PDE4D: variants seen among roughly 807,000 people sequenced by gnomAD.
The protein encoded by PDE4D is phosphodiesterase 4D.
PDE4D carries 24 observed loss-of-function variants against 87.4 expected under a neutral mutation model. The ratio of observed to expected loss-of-function variants is 0.27; its 90% CI spans 0.20 to 0.39. The LOEUF is 0.39. Ranked by LOEUF, PDE4D falls within the 10% of genes least tolerant of loss-of-function variation. PDE4D has a pLI of 1.00. For missense variants in PDE4D, 714 were observed against 1,041.0 expected, an observed-to-expected ratio of 0.69 and a Z score of 4.32; for synonymous variants, 384 against 383.2, an observed-to-expected ratio of 1.00 and a Z score of -0.02.
At chr5:59,632,860 G>A (rs1435945738) in intron 1 of PDE4D, among the ~76,000 whole-genome samples, 1 of 152,084 alleles carries the variant, frequency 6.6e-6, no homozygotes, top group Non-Finnish European at 1.5e-5. Flanking sequence ...CGCCAGCAAG[G>A]GAACAAAACT....
intron 1 of PDE4D, among the ~76,000 whole-genome samples, chr5:59,545,350 A>G (rs1320973379): frequency 7.2e-6 from 1 of 138,600 alleles, no homozygotes; most frequent in African/African-American, 2.6e-5. Flanking sequence ...CCACTCACGT[A>G]AAAAAAAAAA....
At chr5:60,099,112 C>T (rs528856387) in intron 2 of PDE4D, among the ~76,000 whole-genome samples, 6 of 151,922 alleles carry the variant, frequency 3.9e-5, no homozygotes, top group Admixed American at 2.0e-4. Context: ...TTTAGTACTC[C>T]AAATACATCA....
rs76668839 is a variant in PDE4D at position 59,589,754 on chromosome 5, G to A, written c.455+303414C>T. Among the ~76,000 whole-genome samples the A allele has an allele frequency of 3.7e-3, 559 of 152,074 alleles. 18 individuals carry two copies. The East Asian group carries it at 0.07, about 19-fold the overall frequency. On this transcript the variant is annotated intron_variant, in intron 1 of 14. Coordinates refer to ENST00000340635, the MANE Select transcript of PDE4D (RefSeq NM_001104631.2). ...ACTTGTTAGCTACATTTCCATTTGCGGGCAATGATATAAGCAAAGCACTTT... is the reference window on the plus strand; with the variant it reads ...ACTTGTTAGCTACATTTCCATTTGCAGGCAATGATATAAGCAAAGCACTTT...
At chr5:59,093,795 TAGA>T (rs1376196286) in intron 5 of PDE4D, among the ~76,000 whole-genome samples, 1 of 152,098 alleles carries the variant, frequency 6.6e-6, no homozygotes, top group Non-Finnish European at 1.5e-5. Flanking sequence ...GAAGAGAAAC[TAGA>T]AGAAGCAAAC....
At chr5:59,241,780 T>C (rs544256574) in intron 1 of PDE4D, among the ~76,000 whole-genome samples, 23 of 152,310 alleles carry the variant, frequency 1.5e-4, no homozygotes, top group Non-Finnish European at 2.8e-4. Flanking sequence ...TTTTAAGGTA[T>C]CCTATTTTGG....
chr5:59,724,488 T>A (rs866804121), intron 1 of PDE4D, among the ~76,000 whole-genome samples: 8 of 152,082 alleles, frequency 5.3e-5, no homozygotes, highest in African/African-American at 1.9e-4. Flanking sequence ...GATAGGTAGT[T>A]TTTTGAGAAA....
intron 1 of PDE4D, among the ~76,000 whole-genome samples, chr5:60,205,863 G>C (rs754026736): frequency 2.6e-5 from 4 of 152,036 alleles, no homozygotes; most frequent in Non-Finnish European, 5.9e-5. Context: ...CTCCAACCTG[G>C]GCAGCAAATT....
At chr5:59,112,182 T>C (rs143858112) in intron 5 of PDE4D, among the ~76,000 whole-genome samples, 337 of 152,238 alleles carry the variant, frequency 2.2e-3, no homozygotes, top group Admixed American at 6.1e-3. Context: ...GAGCACTTCA[T>C]GCAGCACCAA....
At chr5:60,377,605 C>G (rs374132032) in intron 1 of PDE4D, among the ~76,000 whole-genome samples, 5 of 152,162 alleles carry the variant, frequency 3.3e-5, no homozygotes, top group Non-Finnish European at 7.3e-5. Context: ...GAAAATTTGG[C>G]ATCTACCTGC....
intron 1 of PDE4D, among the ~76,000 whole-genome samples, chr5:59,715,341 G>C (rs1266487061): frequency 6.6e-6 from 1 of 152,200 alleles, no homozygotes; most frequent in Non-Finnish European, 1.5e-5. Context: ...AGGACATGGG[G>C]CCTGAAGCAC....
intron 1 of PDE4D, among the ~76,000 whole-genome samples, chr5:59,881,364 T>C (rs1749408514): frequency 6.6e-6 from 1 of 152,172 alleles, no homozygotes; most frequent in East Asian, 1.9e-4. Flanking sequence ...TTATCATTTT[T>C]TTATTTGCCG....
intron 2 of PDE4D, among the ~76,000 whole-genome samples, chr5:60,174,173 G>T (rs1322997193): frequency 6.6e-6 from 1 of 152,060 alleles, no homozygotes; most frequent in Non-Finnish European, 1.5e-5. Context: ...TAATCAAATA[G>T]AAGATAGTTA....
At chr5:59,304,939 C>T (rs1478717312) in intron 1 of PDE4D, among the ~76,000 whole-genome samples, 2 of 152,094 alleles carry the variant, frequency 1.3e-5, no homozygotes, top group Non-Finnish European at 2.9e-5. Flanking sequence ...TTCCTTCTTT[C>T]TCTATCTTGT....
chr5:59,425,250 A>G (rs1795023948), intron 1 of PDE4D, among the ~76,000 whole-genome samples: 1 of 152,198 alleles, frequency 6.6e-6, no homozygotes. Context: ...ATGAATACCT[A>G]AAAAATATCA....
chr5:60,315,657 T>C (rs1755506636), intron 1 of PDE4D, among the ~76,000 whole-genome samples: 1 of 152,188 alleles, frequency 6.6e-6, no homozygotes, highest in Non-Finnish European at 1.5e-5. Context: ...TTGAATTAAT[T>C]TTAGTATAAG....
At chr5:60,379,500 T>C (rs1311254421) in intron 1 of PDE4D, among the ~76,000 whole-genome samples, 1 of 152,212 alleles carries the variant, frequency 6.6e-6, no homozygotes, top group Non-Finnish European at 1.5e-5. Flanking sequence ...CCCAATCTCA[T>C]GAAGCTGTCC....
intron 1 of PDE4D, among the ~76,000 whole-genome samples, chr5:59,358,191 A>T (rs1387522781): frequency 6.6e-6 from 1 of 152,216 alleles, no homozygotes; most frequent in East Asian, 1.9e-4. Flanking sequence ...GTTTCATATC[A>T]GCTTTGGAGA....
intron 2 of PDE4D, among the ~76,000 whole-genome samples, chr5:60,181,907 T>C (rs988900923): frequency 1.3e-5 from 2 of 152,176 alleles, no homozygotes; most frequent in Non-Finnish European, 1.5e-5. Flanking sequence ...TTTTAAAATA[T>C]ATAATTACAA....
At position 59,279,145 on chromosome 5, in the gene PDE4D, T is replaced by G. The variant is rs115487653; in HGVS notation, c.456-63177A>C. Among the ~76,000 whole-genome samples the G allele has an allele frequency of 6.0e-3, 915 of 152,276 alleles. 16 individuals carry two copies. The highest frequency in any genetic ancestry group is 0.021 in the African/African-American group (865 of 41,580). Reference sequence around the variant, plus strand: ...ATATTCTATACTTTCCAATCTATCATGAGCATATTTCTTAGAGCCATATTA... The same window carrying G: ...ATATTCTATACTTTCCAATCTATCAGGAGCATATTTCTTAGAGCCATATTA... On this transcript the variant is annotated intron_variant, in intron 1 of 14. Transcript: ENST00000340635.
Sources: gnomAD v4.1 joint callset for allele counts (sites outside exome capture counted in the v4.1 genomes callset) on GRCh38, gnomAD v4.1.1 for gene constraint, MANE v1.5 for transcripts, NCBI Gene and HGNC (gene_info 2026-07-23, HGNC 2026-07-21) for gene names.